TG: variants seen among roughly 807,000 people sequenced by gnomAD.
The protein encoded by TG is thyroglobulin.
A neutral mutation model predicts 324.7 loss-of-function variants in TG; 270 were observed. The ratio of observed to expected loss-of-function variants is 0.83; its 90% confidence interval spans 0.75 to 0.92. The LOEUF (loss-of-function observed/expected upper bound fraction) is 0.92. Among genes scored for constraint, TG ranks in the 40% least tolerant of loss-of-function variants. The pLI, the probability that TG is intolerant of heterozygous loss-of-function variation, is 0.00. For missense variants in TG, 3,591 were observed against 3,456.4 expected, an observed-to-expected ratio of 1.04 and a Z score of -0.98; for synonymous variants, 1,401 against 1,327.0, an observed-to-expected ratio of 1.06 and a Z score of -1.21.
At chr8:132,912,752 A>G (rs1427956946) in intron 19 of TG, among the ~76,000 whole-genome samples, 1 of 152,118 alleles carries the variant, frequency 6.6e-6, no homozygotes, top group African/African-American at 2.4e-5. Context: ...ACCTTAGACT[A>G]GTGACTGAAG....
Position 132,888,118 on chromosome 8 carries a change from C to G in TG, c.2311C>G (p.Gln771Glu). 6.2e-7 allele frequency: 1 copy of G among 1,614,110 alleles called. No homozygotes were observed. The highest frequency in any genetic ancestry group is 8.5e-7 in the Non-Finnish European group (1 of 1,180,014). ...GTGCAGCACCGATGGGCAGTGGAGA[C>G]AAGTGCAATGCAATGGGCCTCCTGA... ...PQCSTDGQWR[Q>E]VQCNGPPEQV... The change falls in exon 10 of 48, where the codon CAA (glutamine) becomes GAA (glutamate). Residue 771 changes from glutamine to glutamate, a missense_variant. Transcript: ENST00000220616.
intron 26 of TG, among the ~76,000 whole-genome samples, chr8:132,945,046 A>T (rs1458047176): frequency 2.0e-5 from 3 of 152,150 alleles, no homozygotes; most frequent in African/African-American, 7.2e-5. Flanking sequence ...CGGCATGAAT[A>T]GTTGTTTTTA....
At chr8:133,133,366 C>T (rs1852091879) in intron 46 of TG, 104 bp from the exon 47 acceptor site, 1 of 1,184,044 alleles carries the variant, frequency 8.4e-7, no homozygotes, top group African/African-American at 1.5e-5. Flanking sequence ...CCTACAGATA[C>T]ATGAATTGTC....
rs754658907 is a variant in TG at position 132,948,928 on chromosome 8, C to T, written c.5386C>T (p.Gln1796Ter). The change falls in exon 27 of 48, where the codon CAG (glutamine) becomes TAG (stop). Residue 1796 changes from glutamine to a stop codon, truncating the protein, a stop_gained. Transcript: ENST00000220616. LOFTEE classifies it high-confidence loss of function. ...CCAGGTGATATTGCGTCTTGGAGAC[C>T]AGGAGTTCATCAAGAGTAAGTCTTT... ...SHQVILRLGD[Q>*]EFIKSLTPLE... 20 of 1,613,630 alleles carry T rather than the reference C, an allele frequency of 1.2e-5. No homozygotes were observed. Among genetic ancestry groups the T allele is most frequent in the African/African-American group, 8.0e-5 (6 of 74,866 alleles).
intron 41 of TG, chr8:133,038,495 T>G (rs762350526): frequency 6.5e-7 from 1 of 1,528,512 alleles, no homozygotes; most frequent in African/African-American, 1.4e-5. Flanking sequence ...CTGTTCCTTT[T>G]GGGCATGAAC....
At chr8:132,951,980 G>A (rs1826171335) in intron 27 of TG, among the ~76,000 whole-genome samples, 1 of 152,144 alleles carries the variant, frequency 6.6e-6, no homozygotes, top group Non-Finnish European at 1.5e-5. Flanking sequence ...AGAACATAGG[G>A]GGTGCTAGGG....
intron 40 of TG, among the ~76,000 whole-genome samples, chr8:133,024,637 A>G (rs1835908877): frequency 1.4e-5 from 2 of 147,002 alleles, no homozygotes; most frequent in East Asian, 1.9e-4. Flanking sequence ...TTCAACTCCC[A>G]CTTATGAATG....
At position 132,923,551 on chromosome 8, in the gene TG, G is replaced by A. The variant is rs781067096; in HGVS notation, c.4699+43G>A. ...AATCAGTCATGGTTCCTGGGGACTG[G>A]GGAGTAGTCTCAAGGGCTTTTTAGA... is the stretch of plus-strand genomic sequence containing the variant. On this transcript the variant is annotated intron_variant, in intron 22 of 47. Transcript: ENST00000220616. The A allele has an allele frequency of 5.0e-6, 8 of 1,596,480 alleles. No homozygotes were observed. The Admixed American group carries it at 1.4e-4, about 27-fold the overall frequency.
intron 10 of TG, among the ~76,000 whole-genome samples, chr8:132,892,712 A>G (rs897818143): frequency 4.8e-5 from 7 of 146,360 alleles, no homozygotes; most frequent in African/African-American, 1.5e-4. Context: ...GTGTGTGTTT[A>G]TGGGGTTTGT....
Position 132,897,774 on chromosome 8 carries a change from C to T in TG, c.3127C>T (p.His1043Tyr), listed in dbSNP as rs143983705. 1 of 1,614,090 alleles carries T rather than the reference C, an allele frequency of 6.2e-7. No homozygotes were observed. Among genetic ancestry groups the T allele is most frequent in the African/African-American group, 1.3e-5 (1 of 74,930 alleles). Residue 1043 changes from histidine (H) to tyrosine (Y), a missense_variant, in exon 12 of 48, where the codon CAC (histidine) becomes TAC (tyrosine). Physicochemically the swap from His to Tyr is moderately conservative, Grantham distance 83. Coordinates refer to ENST00000220616, the MANE Select transcript of TG (RefSeq NM_003235.5). ...AFGSWEPVQC[H>Y]AGTGHCWCVD... ...TGGAAGTTGGGAGCCTGTGCAGTGC[C>T]ACGCTGGGACTGGTAAGGAGGGATA...
At chr8:132,961,359 A>G (rs1827738204) in intron 28 of TG, among the ~76,000 whole-genome samples, 1 of 152,174 alleles carries the variant, frequency 6.6e-6, no homozygotes. Context: ...TGTTCCTAGG[A>G]GGGGAGTTCA....
Position 132,983,034 on chromosome 8 carries a change from G to T in TG, c.6200-316G>T, listed in dbSNP as rs188713412. On this transcript the variant is annotated intron_variant, in intron 34 of 47. Coordinates refer to ENST00000220616, the MANE Select transcript of TG (RefSeq NM_003235.5). ...CGCTTTGCCCTGCATGGCAATTATT[G>T]AAACTTGAGGCAAGAAGCTGCCTTT... 9.2e-4 allele frequency among the ~76,000 whole-genome samples: 140 copies of T among 152,290 alleles called. 2 individuals are homozygous for T. Among genetic ancestry groups the T allele is most frequent in the Admixed American group, 8.1e-3 (124 of 15,302 alleles).
Position 133,116,628 on chromosome 8 carries a change from C to A in TG, c.7774C>A (p.Pro2592Thr), listed in dbSNP as rs757520733. 1 of 1,614,116 alleles carries A rather than the reference C, an allele frequency of 6.2e-7. No homozygotes were observed. Among genetic ancestry groups the A allele is most frequent in the South Asian group, 1.1e-5 (1 of 91,090 alleles). Residue 2592 changes from proline (P) to threonine (T), a missense_variant, in exon 45 of 48, where the codon CCT becomes ACT. Pro to Thr is a conservative substitution (Grantham distance 38). Coordinates refer to ENST00000220616, the MANE Select transcript of TG (RefSeq NM_003235.5). ...NATRDYFIICPIIDMASAWAK... is the reference protein window; with the variant it reads ...NATRDYFIICTIIDMASAWAK... ...CACCAGGGACTACTTTATCATCTGC[C>A]CTATAATCGACATGGCCAGTGCCTG...
At chr8:132,910,347 C>CA (rs1198701890) in intron 18 of TG, among the ~76,000 whole-genome samples, 2 of 152,194 alleles carry the variant, frequency 1.3e-5, no homozygotes, top group Non-Finnish European at 2.9e-5. Context: ...TCATTGGTGA[C>CA]AGAGTTCACT....
chr8:133,016,625 C>G (rs144268266), intron 37 of TG, among the ~76,000 whole-genome samples: 24 of 152,228 alleles, frequency 1.6e-4, no homozygotes, highest in Admixed American at 3.3e-4. Flanking sequence ...GTCAATCAGC[C>G]GAGAGTGGAG....
intron 45 of TG, among the ~76,000 whole-genome samples, chr8:133,122,375 A>G (rs1052326017): frequency 6.6e-5 from 10 of 152,252 alleles, no homozygotes; most frequent in African/African-American, 2.4e-5. Context: ...GAGACCGTCT[A>G]GCTCCTTCAT....
intron 35 of TG, among the ~76,000 whole-genome samples, chr8:132,996,022 T>G (rs1030142282): frequency 1.3e-5 from 2 of 152,136 alleles, no homozygotes; most frequent in Non-Finnish European, 2.9e-5. Flanking sequence ...CTGAGTCATA[T>G]GGAGGAGGTG....
chr8:133,047,998 C>T lies in TG; in HGVS notation c.7239+17975C>T, dbSNP rs185525298. ...CCCTCCCCCAGGAAAGGCAGGAATGCGCCACCCACCGTACTAAGCACCTGA... is the reference window on the plus strand; with the variant it reads ...CCCTCCCCCAGGAAAGGCAGGAATGTGCCACCCACCGTACTAAGCACCTGA... On this transcript the variant is annotated intron_variant, in intron 41 of 47. Coordinates refer to ENST00000220616, the MANE Select transcript of TG (RefSeq NM_003235.5). The T allele has an allele frequency of 9.9e-5, 90 of 913,524 alleles. 1 individual carries two copies. The Admixed American group carries it at 1.1e-3, about 11-fold the overall frequency. 56.6% of individuals were successfully genotyped at this position (913,524 alleles called of 1,614,324 possible). A position where few individuals can be genotyped will look rare whatever the true frequency, so the allele number is the denominator to read the frequency against.
At position 132,954,274 on chromosome 8, in the gene TG, AG is replaced by A. The variant is rs561660029; in HGVS notation, c.5401+5332del. 2.9e-3 allele frequency among the ~76,000 whole-genome samples: 440 copies of A among 152,184 alleles called. 4 individuals are homozygous for A. Among genetic ancestry groups the A allele is most frequent in the African/African-American group, 1.0e-2 (415 of 41,512 alleles). ...GTTTAAAAAGGGCCCTACAGTTATT[AG>A]TTACTGCTGTCACAGGTTGTGCATT... On this transcript the variant is annotated intron_variant, in intron 27 of 47. Transcript: ENST00000220616.
Sources: allele counts gnomAD v4.1 joint callset (sites outside exome capture counted in the v4.1 genomes callset), GRCh38; gene constraint gnomAD v4.1.1; transcripts MANE v1.5; gene names NCBI Gene and HGNC (gene_info 2026-07-23, HGNC 2026-07-21).